The following ATP8B1 variants were observed in gnomAD, a reference collection of about 807,000 sequenced individuals.
ATP8B1 encodes ATPase phospholipid transporting 8B1, also known as phospholipid-transporting ATPase IC.
ATP8B1 carries 80 observed loss-of-function variants against 149.9 expected under a neutral mutation model. The ratio of observed to expected loss-of-function variants is 0.53; its 90% CI spans 0.45 to 0.64. The LOEUF is 0.64. Among genes scored for constraint, ATP8B1 ranks in the 30% least tolerant of loss-of-function variants. The pLI, the probability that ATP8B1 is intolerant of heterozygous loss-of-function variation, is 0.00. For missense variants in ATP8B1, 1,247 were observed against 1,552.6 expected, an observed-to-expected ratio of 0.80 and a Z score of 3.31; for synonymous variants, 536 against 562.8, an observed-to-expected ratio of 0.95 and a Z score of 0.67.
intron 1 of ATP8B1, among the ~76,000 whole-genome samples, chr18:57,770,643 G>A (rs1389860005): frequency 6.6e-6 from 1 of 152,236 alleles, no homozygotes; most frequent in Non-Finnish European, 1.5e-5. Context: ...GGGACTTTGA[G>A]ATGCACTGCA....
At chr18:57,685,229 G>T in intron 13 of ATP8B1, 114 bp from the exon 14 acceptor site, 1 of 1,121,896 alleles carries the variant, frequency 8.9e-7, no homozygotes, top group African/African-American at 1.8e-5. Flanking sequence ...GCCTGGACAG[G>T]CTAAAATATT....
chr18:57,768,259 C>T (rs573421691), intron 1 of ATP8B1, among the ~76,000 whole-genome samples: 1 of 151,310 alleles, frequency 6.6e-6, no homozygotes, highest in African/African-American at 2.4e-5. Flanking sequence ...TGGTGGGGGG[C>T]ACCTGTAGTC....
intron 1 of ATP8B1, among the ~76,000 whole-genome samples, chr18:57,780,959 A>G (rs1330101239): frequency 6.6e-6 from 1 of 152,198 alleles, no homozygotes; most frequent in Non-Finnish European, 1.5e-5. Context: ...TCAGCAAGGT[A>G]TGTATGATAT....
At chr18:57,723,050 C>G (rs1021305099) in intron 2 of ATP8B1, among the ~76,000 whole-genome samples, 5 of 151,372 alleles carry the variant, frequency 3.3e-5, no homozygotes, top group South Asian at 2.1e-4. Flanking sequence ...ATTCAACAAC[C>G]CTTCATGCTA....
intron 1 of ATP8B1, among the ~76,000 whole-genome samples, chr18:57,749,055 A>C (rs2079992108): frequency 6.6e-6 from 1 of 152,370 alleles, no homozygotes; most frequent in Non-Finnish European, 1.5e-5. Context: ...CCCATTAAAG[A>C]TGCTTTCTGC....
In ATP8B1 at chr18:57,688,461, G is replaced by C; in HGVS notation, c.1267C>G (p.Leu423Val). The stretch of plus-strand genomic sequence containing the variant: ...TCCTTCTCAGCATAGTACATTTGCA[G>C]GTCCCAGTTGATGAAGTGACTCTGT... Reference protein sequence around the residue: ...LGQSHFINWDLQMYYAEKDTP... With the variant: ...LGQSHFINWDVQMYYAEKDTP... Residue 423 changes from leucine (L) to valine (V), a missense_variant, in exon 13 of 28, where the codon CTG (leucine) becomes GTG (valine). Transcript: ENST00000648908. The C allele has an allele frequency of 6.2e-7, 1 of 1,614,184 alleles. No individual in the cohort carries two copies.
At chr18:57,682,873 C>G (rs1912050814) in intron 15 of ATP8B1, among the ~76,000 whole-genome samples, 1 of 152,038 alleles carries the variant, frequency 6.6e-6, no homozygotes, top group African/African-American at 2.4e-5. Flanking sequence ...GGGTCTCACT[C>G]CATCACCGAA....
intron 16 of ATP8B1, among the ~76,000 whole-genome samples, chr18:57,672,814 C>T (rs550918841): frequency 5.9e-5 from 8 of 135,998 alleles, no homozygotes; most frequent in Admixed American, 2.5e-4. Flanking sequence ...TGCAGTGAGC[C>T]GAGATAGCAC....
intron 1 of ATP8B1, among the ~76,000 whole-genome samples, chr18:57,748,191 T>C (rs1297087675): frequency 6.6e-6 from 1 of 152,180 alleles, no homozygotes; most frequent in Non-Finnish European, 1.5e-5. Flanking sequence ...ATGTGTTCTA[T>C]GCATCAGGCT....
At chr18:57,754,811 C>A (rs28417348) in intron 1 of ATP8B1, among the ~76,000 whole-genome samples, 2,197 of 152,178 alleles carry the variant, frequency 0.014, 43 homozygotes, top group African/African-American at 0.05. Context: ...GAAAATGTCA[C>A]CCTAGTAGTG....
chr18:57,671,082 T>C (rs1478121420), intron 17 of ATP8B1, among the ~76,000 whole-genome samples: 2 of 152,212 alleles, frequency 1.3e-5, no homozygotes, highest in African/African-American at 4.8e-5. Flanking sequence ...CTGTCACATA[T>C]GAATGCTTTC....
rs1362392710 is a variant in ATP8B1 at position 57,784,964 on chromosome 18, C to T, written c.-26+18034G>A. Among the ~76,000 whole-genome samples, 1 of 152,194 alleles carries T rather than the reference C, an allele frequency of 6.6e-6. No homozygotes were observed. Among genetic ancestry groups the T allele is most frequent in the African/African-American group, 2.4e-5 (1 of 41,450 alleles). On this transcript the variant is annotated intron_variant, in intron 1 of 27. Coordinates refer to ENST00000648908, the MANE Select transcript of ATP8B1 (RefSeq NM_001374385.1). The surrounding 1 kb of genome is among the most constrained non-coding windows in gnomAD (Gnocchi z 4.4). Reference sequence around the variant, plus strand: ...GTTGACTAAGTTAAGTATACTTTTACAAAGTCTTTAATAAACTGGTGCCGG... The same window carrying T: ...GTTGACTAAGTTAAGTATACTTTTATAAAGTCTTTAATAAACTGGTGCCGG...
At position 57,768,978 on chromosome 18, in the gene ATP8B1, G is replaced by A. The variant is rs577172934; in HGVS notation, c.-26+34020C>T. 5.3e-5 allele frequency among the ~76,000 whole-genome samples: 8 copies of A among 152,270 alleles called. No homozygotes were observed. In the East Asian group the frequency reaches 1.2e-3, roughly 22 times the overall value. On this transcript the variant is annotated intron_variant, in intron 1 of 27. Transcript: ENST00000648908. Reference sequence around the variant, plus strand: ...TTACCAGCCTAGATAAACAGAGCCCGCCTTCCACTTTCCATGAAGGATCAG... The same window carrying A: ...TTACCAGCCTAGATAAACAGAGCCCACCTTCCACTTTCCATGAAGGATCAG...
At chr18:57,787,587 T>C (rs1331284633) in intron 1 of ATP8B1, among the ~76,000 whole-genome samples, 1 of 152,230 alleles carries the variant, frequency 6.6e-6, no homozygotes, top group East Asian at 1.9e-4. Context: ...GGCTCCGCTA[T>C]ACCATTTCCT....
At chr18:57,702,394 G>A (rs1913170255) in intron 4 of ATP8B1, among the ~76,000 whole-genome samples, 1 of 152,148 alleles carries the variant, frequency 6.6e-6, no homozygotes, top group Non-Finnish European at 1.5e-5. Context: ...ATGGCTTATG[G>A]GACTTTGAGC....
chr18:57,653,997 C>T lies in ATP8B1; in HGVS notation c.3010G>A (p.Asp1004Asn), dbSNP rs1456966019. 10 of 1,613,514 alleles carry T rather than the reference C, an allele frequency of 6.2e-6. No individual in the cohort carries two copies. The highest frequency in any genetic ancestry group is 3.3e-5 in the Admixed American group (2 of 59,986). The change falls in exon 24 of 28, where the codon GAC becomes AAC. Residue 1004 changes from aspartate to asparagine, a missense_variant. Asp to Asn is a conservative substitution (Grantham distance 23). Around this residue, in one of 3 missense-constraint regions of ATP8B1, gnomAD observed 230 missense variants for 356.6 expected, o/e 0.65. Transcript: ENST00000648908. ...SLPVLLMGLL[D>N]QDVSDKLSLR... The stretch of plus-strand genomic sequence containing the variant: ...TGCTTGTGCGAGGCTCCTACCTGGT[C>T]GAGCAGCCCCATGAGGAGCACGGGC...
chr18:57,715,661 C>T (rs915019017), intron 2 of ATP8B1, among the ~76,000 whole-genome samples: 4 of 152,190 alleles, frequency 2.6e-5, no homozygotes, highest in African/African-American at 4.8e-5. Flanking sequence ...CACTCCAATA[C>T]GTCTGGCAGC....
At chr18:57,679,561 C>T (rs1568192917) in intron 15 of ATP8B1, among the ~76,000 whole-genome samples, 1 of 152,138 alleles carries the variant, frequency 6.6e-6, no homozygotes, top group Non-Finnish European at 1.5e-5. Flanking sequence ...ACCACAAATC[C>T]CACCTCTCAG....
At position 57,685,113 on chromosome 18, in the gene ATP8B1, C is replaced by G. The variant is rs1451133441; in HGVS notation, c.1432G>C (p.Asp478His). ...TTGTGTTGAGAGGCATCCCGATGGT[C>G]CCCTGAGAAACAAACAGGACAAAAC... ...KCCINGQIYG[D>H]HRDASQHNHN... The change falls in exon 14 of 28, where the codon GAC becomes CAC. Residue 478 changes from aspartate to histidine, a missense_variant and splice_region_variant. Asp to His is a moderately conservative substitution (Grantham distance 81). Transcript: ENST00000648908. 6.2e-7 allele frequency: 1 copy of G among 1,614,190 alleles called. No homozygotes were observed. The highest frequency in any genetic ancestry group is 2.2e-5 in the East Asian group (1 of 44,882).
Sources: allele counts gnomAD v4.1 joint callset (sites outside exome capture counted in the v4.1 genomes callset), GRCh38; gene constraint gnomAD v4.1.1; regional missense constraint gnomAD v4.1.1; non-coding constraint Gnocchi (gnomAD v3.1); transcripts MANE v1.5; gene names NCBI Gene and HGNC (gene_info 2026-07-23, HGNC 2026-07-21).